KANK2: variants seen among roughly 807,000 people sequenced by gnomAD.
KANK2 encodes the protein KN motif and ankyrin repeat domains 2, also known as KN motif and ankyrin repeat domain-containing protein 2.
A neutral mutation model predicts 74.6 loss-of-function variants in KANK2; 41 were observed. The observed-to-expected ratio is 0.55, with a 90% CI of 0.43 to 0.71. KANK2 has a LOEUF of 0.71. KANK2 is among the 30% of genes least tolerant of loss of function. KANK2 has a pLI of 0.00. For missense variants in KANK2, 1,148 were observed against 1,196.4 expected, an observed-to-expected ratio of 0.96 and a Z score of 0.60; for synonymous variants, 537 against 519.0, an observed-to-expected ratio of 1.03 and a Z score of -0.47.
At position 11,193,113 on chromosome 19, in the gene KANK2, T is replaced by C. The variant is rs202236248; in HGVS notation, c.967A>G (p.Ser323Gly). ...PQPQAWPPPD[S>G]PVRVDTVRVV... ...CGGACTGTATCCACGCGGACCGGGC[T>C]GTCCGGCGGTGGCCAGGCCTGGGGC... Residue 323 changes from serine to glycine, a missense_variant, in exon 4 of 13, where the codon AGC becomes GGC. By Grantham distance (56) the Ser-to-Gly change is moderately conservative. Transcript: ENST00000586659. The surrounding 1 kb of genome is among the most constrained non-coding windows in gnomAD (Gnocchi z 9.6). The C allele has an allele frequency of 2.7e-4, 430 of 1,605,192 alleles. 3 individuals carry two copies. Among genetic ancestry groups the C allele is most frequent in the Non-Finnish European group, 7.1e-5 (83 of 1,175,370 alleles).
intron 1 of KANK2, chr19:11,196,821 G>C (rs1445467388): frequency 6.6e-6 from 1 of 152,308 alleles, no homozygotes; most frequent in Non-Finnish European, 1.5e-5. Context: ...GGTAGGGAGC[G>C]CAGGGAAGGG....
chr19:11,195,847 G>C (rs2079003367), intron 1 of KANK2, 27 bp from the exon 2 acceptor site: 1 of 152,024 alleles, frequency 6.6e-6, no homozygotes, highest in Non-Finnish European at 1.5e-5. Flanking sequence ...CCAATTGCAG[G>C]AAATTCCGTT....
At chr19:11,179,195 C>T (rs2078439386) in intron 4 of KANK2, among the ~76,000 whole-genome samples, 1 of 151,106 alleles carries the variant, frequency 6.6e-6, no homozygotes, top group Non-Finnish European at 1.5e-5. Flanking sequence ...GCACACCTGT[C>T]GTTCCAGCCA....
chr19:11,176,120 C>T (rs188210578), intron 7 of KANK2, 131 bp from the exon 8 acceptor site: 132 of 650,774 alleles, frequency 2.0e-4, no homozygotes, highest in African/African-American at 1.9e-3. Context: ...CTCCTTCACC[C>T]GGGACACACA....
At position 11,178,355 on chromosome 19, in the gene KANK2, C is replaced by T; in HGVS notation, c.1510G>A (p.Val504Ile). ...AHRRSLQFVG[V>I]NGGYESSSED... ...GTCTTCTCCTCTCACCCGCCGTTGA[C>T]CCCCACGAACTGGAGGCTCCTCCGG... The change falls in exon 6 of 13, where the codon GTC (valine) becomes ATC (isoleucine). Residue 504 changes from valine to isoleucine, a missense_variant. Physicochemically the swap from Val to Ile is conservative, Grantham distance 29 (BLOSUM62 3). Coordinates refer to ENST00000586659, the MANE Select transcript of KANK2 (RefSeq NM_001136191.3). 6.6e-7 allele frequency: 1 copy of T among 1,521,184 alleles called. No individual in the cohort carries two copies. The highest frequency in any genetic ancestry group is 8.8e-7 in the Non-Finnish European group (1 of 1,140,356). 94.2% of individuals were successfully genotyped at this position (1,521,184 alleles called of 1,614,324 possible).
chr19:11,193,696 C>T lies in KANK2; in HGVS notation c.384G>A (p.Leu128=). The change falls in exon 4 of 13, where the codon CTG becomes CTA. Residue 128 remains leucine, a synonymous_variant. Coordinates refer to ENST00000586659, the MANE Select transcript of KANK2 (RefSeq NM_001136191.3). This position sits in a 1 kb window ranked among gnomAD's most constrained non-coding sequence, Gnocchi z 9.6. ...GGFNPRVERT[L]LDARRRLEDQ... is the part of the protein sequence containing the mutation. ...CCTCGAGACGGCGACGGGCATCCAG[C>T]AGCGTGCGCTCCACCCGCGGATTGA... is the stretch of plus-strand genomic sequence containing the variant. 4.3e-6 allele frequency: 7 copies of T among 1,611,050 alleles called. No homozygotes were observed. The highest frequency in any genetic ancestry group is 5.9e-6 in the Non-Finnish European group (7 of 1,178,860).
At chr19:11,188,507 T>C (rs1220226869) in intron 4 of KANK2, among the ~76,000 whole-genome samples, 2 of 149,938 alleles carry the variant, frequency 1.3e-5, no homozygotes, top group African/African-American at 4.9e-5. Flanking sequence ...ACCCGGCCCA[T>C]GTAAATTCTT....
At chr19:11,188,069 G>GA (rs1315041517) in intron 4 of KANK2, among the ~76,000 whole-genome samples, 3 of 152,324 alleles carry the variant, frequency 2.0e-5, no homozygotes, top group South Asian at 4.1e-4. Flanking sequence ...CCTTAGCATT[G>GA]AAGGTTGAAG....
chr19:11,193,161 GAGCTGCCTGCAGC>G lies in KANK2; in HGVS notation c.906_918del (p.Glu302AspfsTer28). 1 of 1,610,204 alleles carries G rather than the reference GAGCTGCCTGCAGC, an allele frequency of 6.2e-7. No individual in the cohort carries two copies. Among genetic ancestry groups the G allele is most frequent in the Non-Finnish European group, 8.5e-7 (1 of 1,178,992 alleles). On this transcript the variant is annotated frameshift_variant, in exon 4 of 13. Coordinates refer to ENST00000586659, the MANE Select transcript of KANK2 (RefSeq NM_001136191.3). LOFTEE classifies it high-confidence loss of function. The surrounding 1 kb of genome is among the most constrained non-coding windows in gnomAD (Gnocchi z 9.6). Reference sequence around the variant, plus strand: ...GGCTGGGGGTCAGCCTGCCGGGCCTGAGCTGCCTGCAGCTCCTGCAGCGCCTTCTTGAGCTGGG... The same window carrying G: ...GGCTGGGGGTCAGCCTGCCGGGCCTGTCCTGCAGCGCCTTCTTGAGCTGGG...
intron 4 of KANK2, among the ~76,000 whole-genome samples, chr19:11,185,589 T>C (rs1286649697): frequency 2.0e-5 from 3 of 150,130 alleles, no homozygotes; most frequent in African/African-American, 7.4e-5. Context: ...CCACAGGCCG[T>C]AGTTTGCCAG....
rs578192834 is a variant in KANK2 at position 11,174,683 on chromosome 19, A to C, written c.1858T>G (p.Tyr620Asp). The change falls in exon 9 of 13, where the codon TAC (tyrosine) becomes GAC (aspartate). Residue 620 changes from tyrosine to aspartate, a missense_variant. Physicochemically the swap from Tyr to Asp is radical, Grantham distance 160 (BLOSUM62 -3). Transcript: ENST00000586659. ...AGCCACTCCTGCAGCACTGTGGTGTAGGCCACTTTCTGCATGCGAGTCAGG... is the reference window on the plus strand; with the variant it reads ...AGCCACTCCTGCAGCACTGTGGTGTCGGCCACTTTCTGCATGCGAGTCAGG... Reference protein sequence around the residue: ...ALTERELKVAYTTVLQEWLRL... With the variant: ...ALTERELKVADTTVLQEWLRL... 1 of 1,601,784 alleles carries C rather than the reference A, an allele frequency of 6.2e-7. No homozygotes were observed. The highest frequency in any genetic ancestry group is 1.3e-5 in the African/African-American group (1 of 74,764).
At chr19:11,180,636 G>A (rs2078487509) in intron 4 of KANK2, among the ~76,000 whole-genome samples, 1 of 152,168 alleles carries the variant, frequency 6.6e-6, no homozygotes, top group African/African-American at 2.4e-5. Context: ...CATGAGTGGG[G>A]AACTGAGCGA....
chr19:11,191,343 T>C (rs1186050465), intron 4 of KANK2, among the ~76,000 whole-genome samples: 1 of 152,204 alleles, frequency 6.6e-6, no homozygotes, highest in Non-Finnish European at 1.5e-5. Flanking sequence ...CCGGCCCAGC[T>C]GTCATTATTA....
rs1176523055 is a variant in KANK2 at position 11,170,704 on chromosome 19, C to T, written c.2212-456G>A. Among the ~76,000 whole-genome samples the T allele has an allele frequency of 6.6e-6, 1 of 152,246 alleles. No individual in the cohort carries two copies. The highest frequency in any genetic ancestry group is 1.5e-5 in the Non-Finnish European group (1 of 68,048). On this transcript the variant is annotated intron_variant, in intron 10 of 12. Coordinates refer to ENST00000586659, the MANE Select transcript of KANK2 (RefSeq NM_001136191.3). The surrounding 1 kb of genome is among the most constrained non-coding windows in gnomAD (Gnocchi z 5.2). ...TCCCCAGGCTCAGGTGATCCTCCCACCTCAGCCTCCCGAGTAGCTGAGACT... is the reference window on the plus strand; with the variant it reads ...TCCCCAGGCTCAGGTGATCCTCCCATCTCAGCCTCCCGAGTAGCTGAGACT...
chr19:11,169,956 G>C lies in KANK2; in HGVS notation c.2423C>G (p.Thr808Arg), dbSNP rs770671841. ...TGCGTCCAAGGCCACCATCAGAGCT[G>C]TGCTCCCATCCTGCAAAGTATCCGG... ...DISLTDRDGS[T>R]ALMVALDAGQ... The change falls in exon 12 of 13, where the codon ACA becomes AGA. Residue 808 changes from threonine to arginine, a missense_variant. Physicochemically the swap from Thr to Arg is moderately conservative, Grantham distance 71. Coordinates refer to ENST00000586659, the MANE Select transcript of KANK2 (RefSeq NM_001136191.3). 3 of 1,614,168 alleles carry C rather than the reference G, an allele frequency of 1.9e-6. No individual in the cohort carries two copies. Among genetic ancestry groups the C allele is most frequent in the Non-Finnish European group, 2.5e-6 (3 of 1,180,008 alleles).
intron 4 of KANK2, among the ~76,000 whole-genome samples, chr19:11,180,040 T>C (rs529067932): frequency 6.6e-6 from 1 of 152,222 alleles, no homozygotes; most frequent in South Asian, 2.1e-4. Flanking sequence ...TTCTGTAATG[T>C]TTGTAGAGAT....
chr19:11,188,025 C>T (rs1016694130), intron 4 of KANK2, among the ~76,000 whole-genome samples: 3 of 151,956 alleles, frequency 2.0e-5, no homozygotes, highest in Non-Finnish European at 4.4e-5. Flanking sequence ...CAATAGAGAC[C>T]GTATGACCTG....
At chr19:11,172,515 T>C (rs1175000138) in intron 10 of KANK2, among the ~76,000 whole-genome samples, 1 of 152,026 alleles carries the variant, frequency 6.6e-6, no homozygotes, top group Non-Finnish European at 1.5e-5. Context: ...ACAGTGCCTG[T>C]TTCTGCTTCC....
In KANK2 at chr19:11,173,257, G is replaced by A. The variant is rs1600808363; in HGVS notation, c.2069-134C>T. 3.5e-6 allele frequency: 3 copies of A among 853,536 alleles called. No homozygotes were observed. In the East Asian group the frequency reaches 8.2e-5, roughly 23 times the overall value. The allele number at this position is 853,536 out of a possible 1,614,324, so 52.9% of individuals were successfully genotyped here. On this transcript the variant is annotated intron_variant, in intron 9 of 12. Coordinates refer to ENST00000586659, the MANE Select transcript of KANK2 (RefSeq NM_001136191.3). Reference sequence around the variant, plus strand: ...CCCTTTTCTCAGAGGACCCCACTCTGCCCTAGAGGTCTCCATCTCCATTAG... The same window carrying A: ...CCCTTTTCTCAGAGGACCCCACTCTACCCTAGAGGTCTCCATCTCCATTAG...
Sources: allele counts gnomAD v4.1 joint callset (sites outside exome capture counted in the v4.1 genomes callset), GRCh38; gene constraint gnomAD v4.1.1; non-coding constraint Gnocchi (gnomAD v3.1); transcripts MANE v1.5; gene names NCBI Gene and HGNC (gene_info 2026-07-23, HGNC 2026-07-21).